The following KLHL28 variants were observed in gnomAD, a reference collection of about 807,000 sequenced individuals.
The protein encoded by KLHL28 is kelch-like protein 28.
A neutral mutation model predicts 48.3 loss-of-function variants in KLHL28; 22 were observed. The ratio of observed to expected loss-of-function variants is 0.46; its 90% CI spans 0.33 to 0.65. The LOEUF (loss-of-function observed/expected upper bound fraction) is 0.65. KLHL28 is among the 30% of genes least tolerant of loss of function. The pLI is 0.03. For synonymous variants in KLHL28, 243 were observed against 242.4 expected (o/e 1.00, Z -0.02); for missense variants, 527 against 704.3 (o/e 0.75, Z 2.85).
Position 44,945,944 on chromosome 14 carries a change from A to C in KLHL28, c.1-16T>G. 1 of 1,600,924 alleles carries C rather than the reference A, an allele frequency of 6.2e-7. No individual in the cohort carries two copies. The highest frequency in any genetic ancestry group is 1.1e-5 in the South Asian group (1 of 90,406). Reference sequence around the variant, plus strand: ...TGTGGTCCATCTACAGAAAAATAAAAAAGCATAGACAGTTATTTCAAAGTA... The same window carrying C: ...TGTGGTCCATCTACAGAAAAATAAACAAGCATAGACAGTTATTTCAAAGTA... On this transcript the variant is annotated splice_polypyrimidine_tract_variant and intron_variant, in intron 1 of 4. Transcript: ENST00000396128.
intron 2 of KLHL28, among the ~76,000 whole-genome samples, chr14:44,938,844 G>A (rs890545711): frequency 2.0e-5 from 3 of 152,100 alleles, no homozygotes; most frequent in Admixed American, 2.0e-4. Flanking sequence ...CTACAGTTCT[G>A]ACAGGCTGAC....
In KLHL28 at chr14:44,927,813, T is replaced by C. The variant is rs1184803918; in HGVS notation, c.*1215A>G. 6.6e-6 allele frequency: 1 copy of C among 152,638 alleles called. No homozygotes were observed. Among genetic ancestry groups the C allele is most frequent in the African/African-American group, 2.4e-5 (1 of 41,464 alleles). The allele number at this position is 152,638 out of a possible 1,614,324, so 9.5% of individuals were successfully genotyped here. On this transcript the variant is annotated 3_prime_UTR_variant, in exon 5 of 5. Transcript: ENST00000396128. ...TAACTGCCTAGTGCTTTATATTTAA[T>C]GCATATATTTCTGTTTTTAAGAAAG...
chr14:44,957,277 C>T (rs984772834), intron 1 of KLHL28, among the ~76,000 whole-genome samples: 3 of 152,052 alleles, frequency 2.0e-5, no homozygotes, highest in Admixed American at 6.6e-5. Flanking sequence ...TATTGTTCTG[C>T]TTTTACATGT....
chr14:44,945,986 T>G (rs1884319367), intron 1 of KLHL28, 58 bp from the exon 2 acceptor site: 1 of 1,354,114 alleles, frequency 7.4e-7, no homozygotes, highest in South Asian at 1.3e-5. Context: ...TCAAAAACAC[T>G]GCTTTTCAAA....
intron 2 of KLHL28, among the ~76,000 whole-genome samples, chr14:44,939,416 AC>A (rs1196262787): frequency 6.6e-6 from 1 of 152,122 alleles, no homozygotes; most frequent in Non-Finnish European, 1.5e-5. Flanking sequence ...ATACCTTTTC[AC>A]TTTTTACATG....
chr14:44,943,274 AAG>A (rs1307809164), intron 2 of KLHL28, among the ~76,000 whole-genome samples: 4 of 152,242 alleles, frequency 2.6e-5, no homozygotes, highest in African/African-American at 9.6e-5. Flanking sequence ...ATTTCAGAAT[AAG>A]AGTTAAACAA....
At position 44,925,635 on chromosome 14, in the gene KLHL28, C is replaced by CT. The variant is rs1446126782; in HGVS notation, c.*3392dup. 6 of 152,140 alleles carry CT rather than the reference C, an allele frequency of 3.9e-5. No homozygotes were observed. The highest frequency in any genetic ancestry group is 8.8e-5 in the Non-Finnish European group (6 of 67,976). 9.4% of individuals were successfully genotyped at this position (152,140 alleles called of 1,614,324 possible). A position where few individuals can be genotyped will look rare whatever the true frequency, so the allele number is the denominator to read the frequency against. On this transcript the variant is annotated 3_prime_UTR_variant, in exon 5 of 5. Transcript: ENST00000396128. ...TATATCTCTCTAGCTCCCACAGCATCTAACAGAATATCTCATACATATAGC... is the reference window on the plus strand; with the variant it reads ...TATATCTCTCTAGCTCCCACAGCATCTTAACAGAATATCTCATACATATAGC...
rs73334168 is a variant in KLHL28, at chr14:44,941,913, A to G, written c.899+3117T>C. Among the ~76,000 whole-genome samples, 471 of 152,224 alleles carry G rather than the reference A, an allele frequency of 3.1e-3. 3 individuals are homozygous for G. The highest frequency in any genetic ancestry group is 9.4e-3 in the African/African-American group (392 of 41,514). On this transcript the variant is annotated intron_variant, in intron 2 of 4. Transcript: ENST00000396128. ...TCACAATCAATCCTTTTTCCTCTCT[A>G]TATTTTCTCACCAGGCAAAAGGAGG...
intron 2 of KLHL28, among the ~76,000 whole-genome samples, chr14:44,938,007 T>C (rs1883898644): frequency 6.6e-6 from 1 of 152,194 alleles, no homozygotes; most frequent in Admixed American, 6.5e-5. Flanking sequence ...CATATGAACT[T>C]TTGGGGAACA....
intron 1 of KLHL28, among the ~76,000 whole-genome samples, chr14:44,958,066 G>C (rs1408081159): frequency 6.9e-6 from 1 of 143,956 alleles, no homozygotes; most frequent in Non-Finnish European, 1.5e-5. Context: ...CTCTGCCATA[G>C]TTTTTGTTCT....
At chr14:44,929,514 T>C (rs908679280) in intron 4 of KLHL28, among the ~76,000 whole-genome samples, 1 of 152,226 alleles carries the variant, frequency 6.6e-6, no homozygotes, top group Non-Finnish European at 1.5e-5. Flanking sequence ...AATCTCTTAC[T>C]GCGCCTAATT....
At chr14:44,932,475 G>C (rs1296208900) in intron 3 of KLHL28, among the ~76,000 whole-genome samples, 3 of 152,078 alleles carry the variant, frequency 2.0e-5, no homozygotes, top group Admixed American at 6.6e-5. Flanking sequence ...TTTCAAAAAG[G>C]CTTCCCTAGA....
rs575063328 is a variant in KLHL28, at chr14:44,958,572, A to G, written c.-1+3274T>C. On this transcript the variant is annotated intron_variant, in intron 1 of 4. Coordinates refer to ENST00000396128, the MANE Select transcript of KLHL28 (RefSeq NM_017658.5). ...TATAATTCTATCAGTGAGCCTATGGAATAAGTTAGGATATTTTCCTTTTAT... is the reference window on the plus strand; with the variant it reads ...TATAATTCTATCAGTGAGCCTATGGGATAAGTTAGGATATTTTCCTTTTAT... 2.0e-4 allele frequency among the ~76,000 whole-genome samples: 31 copies of G among 152,260 alleles called. No homozygotes were observed. In the East Asian group the frequency reaches 6.0e-3, roughly 29 times the overall value.
At chr14:44,930,591 A>C (rs1244292166) in intron 4 of KLHL28, among the ~76,000 whole-genome samples, 3 of 152,208 alleles carry the variant, frequency 2.0e-5, no homozygotes, top group African/African-American at 7.2e-5. Flanking sequence ...TTTGAGCACC[A>C]TATGATGCTC....
At chr14:44,947,284 G>T (rs1401580632) in intron 1 of KLHL28, among the ~76,000 whole-genome samples, 1 of 152,196 alleles carries the variant, frequency 6.6e-6, no homozygotes, top group Non-Finnish European at 1.5e-5. Context: ...GAAGCTAGAA[G>T]AGCCAAGAAC....
chr14:44,946,482 C>G (rs1042126191), intron 1 of KLHL28, among the ~76,000 whole-genome samples: 2 of 150,606 alleles, frequency 1.3e-5, no homozygotes, highest in Non-Finnish European at 3.0e-5. Context: ...TAATTATGAA[C>G]AGAATCCAAA....
chr14:44,958,303 G>T (rs1219916614), intron 1 of KLHL28, among the ~76,000 whole-genome samples: 1 of 151,690 alleles, frequency 6.6e-6, no homozygotes, highest in Non-Finnish European at 1.5e-5. Flanking sequence ...CAGTGGTGCT[G>T]AAATCAGTTG....
chr14:44,961,244 A>G (rs932705288), intron 1 of KLHL28: 19 of 219,450 alleles, frequency 8.7e-5, no homozygotes, highest in African/African-American at 3.9e-4. Context: ...TGTCTCTAGG[A>G]GACTGAAAGG....
At chr14:44,956,035 T>A (rs1264710172) in intron 1 of KLHL28, among the ~76,000 whole-genome samples, 1 of 152,254 alleles carries the variant, frequency 6.6e-6, no homozygotes, top group Non-Finnish European at 1.5e-5. Context: ...AACTCATTTT[T>A]TGAAACCTAG....
Sources: gnomAD v4.1 joint callset for allele counts (sites outside exome capture counted in the v4.1 genomes callset) on GRCh38, gnomAD v4.1.1 for gene constraint, MANE v1.5 for transcripts, NCBI Gene and HGNC (gene_info 2026-07-23, HGNC 2026-07-21) for gene names.